TMTC2: variants seen among roughly 807,000 people sequenced by gnomAD.
The protein encoded by TMTC2 is transmembrane O-mannosyltransferase targeting cadherins 2, also known as protein O-mannosyl-transferase TMTC2.
TMTC2 carries 43 observed loss-of-function variants against 82.4 expected under a neutral mutation model. The ratio of observed to expected loss-of-function variants is 0.52; its 90% CI spans 0.41 to 0.67. The LOEUF is 0.67. Ranked by LOEUF, TMTC2 falls within the 30% of genes least tolerant of loss-of-function variation. TMTC2 has a pLI of 0.00. For synonymous variants in TMTC2, 408 were observed against 381.9 expected, an observed-to-expected ratio of 1.07 and a Z score of -0.80; for missense variants, 919 against 1,012.4, an observed-to-expected ratio of 0.91 and a Z score of 1.25.
chr12:83,079,341 T>C (rs1236824281), intron 11 of TMTC2, among the ~76,000 whole-genome samples: 2 of 152,146 alleles, frequency 1.3e-5, no homozygotes, highest in African/African-American at 4.8e-5. Flanking sequence ...TAAAACTCAC[T>C]AAAACAAACC....
Position 82,966,981 on chromosome 12 carries a change from C to T in TMTC2, c.1932C>T (p.Ser644=). The T allele has an allele frequency of 6.2e-7, 1 of 1,612,878 alleles. No individual in the cohort carries two copies. The highest frequency in any genetic ancestry group is 1.1e-5 in the South Asian group (1 of 91,012). ...TGCCAAGGCAGTTTGCCCCACAGAG[C>T]TTGTACAACATGATGGGTAAGTAAA... The part of the protein sequence containing the change: ...QKMPRQFAPQ[S]LYNMMGEAYM... Residue 644 remains serine (S), a synonymous_variant, in exon 7 of 12, where the codon AGC becomes AGT. Coordinates refer to ENST00000321196, the MANE Select transcript of TMTC2 (RefSeq NM_152588.3).
intron 11 of TMTC2, among the ~76,000 whole-genome samples, chr12:83,127,112 T>G (rs1004255177): frequency 2.0e-5 from 3 of 152,128 alleles, no homozygotes; most frequent in South Asian, 4.1e-4. Flanking sequence ...AAGTTCAGAC[T>G]GCAAACTCAT....
chr12:82,727,836 A>C (rs902830273), intron 1 of TMTC2, among the ~76,000 whole-genome samples: 1 of 143,956 alleles, frequency 6.9e-6, no homozygotes, highest in Non-Finnish European at 1.5e-5. Context: ...GGATAGTCTA[A>C]GAAAGGCCAA....
chr12:83,020,779 T>G (rs1385750070), intron 8 of TMTC2, among the ~76,000 whole-genome samples: 1 of 152,176 alleles, frequency 6.6e-6, no homozygotes, highest in Non-Finnish European at 1.5e-5. Flanking sequence ...TCCTTTAAGT[T>G]AGAAGGGAAA....
At chr12:83,121,007 T>G (rs957287039) in intron 11 of TMTC2, among the ~76,000 whole-genome samples, 1 of 152,228 alleles carries the variant, frequency 6.6e-6, no homozygotes, top group Admixed American at 6.5e-5. Context: ...CTGAAGTTTT[T>G]ATTGTTCTTT....
chr12:82,858,392 C>G (rs1341411731), intron 2 of TMTC2, among the ~76,000 whole-genome samples: 3 of 152,216 alleles, frequency 2.0e-5, no homozygotes, highest in African/African-American at 7.2e-5. Flanking sequence ...CTCACCGTTG[C>G]TTTGACTTTG....
At chr12:82,731,172 G>T (rs1014842924) in intron 1 of TMTC2, among the ~76,000 whole-genome samples, 1 of 152,188 alleles carries the variant, frequency 6.6e-6, no homozygotes, top group African/African-American at 2.4e-5. Flanking sequence ...CATTGTCTCA[G>T]AGTCTGCAAA....
chr12:83,067,395 A>T (rs2137481928), intron 11 of TMTC2, among the ~76,000 whole-genome samples: 1 of 152,150 alleles, frequency 6.6e-6, no homozygotes, highest in South Asian at 2.1e-4. Context: ...AGGATACTAA[A>T]AATGTGTGTG....
chr12:82,811,742 T>C (rs139750648), intron 1 of TMTC2, among the ~76,000 whole-genome samples: 8 of 151,682 alleles, frequency 5.3e-5, no homozygotes, highest in African/African-American at 1.9e-4. Context: ...TCCCTGCTTA[T>C]AGGTAAAATT....
At chr12:82,947,973 A>G (rs2137274103) in intron 4 of TMTC2, among the ~76,000 whole-genome samples, 1 of 152,284 alleles carries the variant, frequency 6.6e-6, no homozygotes, top group South Asian at 2.1e-4. Flanking sequence ...AATGATGCCT[A>G]TGGCAATGAA....
intron 2 of TMTC2, among the ~76,000 whole-genome samples, chr12:82,891,560 AG>A (rs1268688714): frequency 6.6e-6 from 1 of 152,188 alleles, no homozygotes; most frequent in Non-Finnish European, 1.5e-5. Flanking sequence ...CGCCTGCCTC[AG>A]CCTCCGAAAT....
chr12:82,915,491 G>T (rs1449232564), intron 3 of TMTC2, among the ~76,000 whole-genome samples: 7 of 152,190 alleles, frequency 4.6e-5, no homozygotes, highest in African/African-American at 9.7e-5. Flanking sequence ...CTGTATCAAA[G>T]TTCCTTTAGT....
At chr12:83,058,720 T>G (rs747814462) in intron 10 of TMTC2, among the ~76,000 whole-genome samples, 32 of 151,870 alleles carry the variant, frequency 2.1e-4, no homozygotes, top group Non-Finnish European at 4.1e-4. Context: ...CCTGGCTTTG[T>G]AAAGTGTGTT....
chr12:82,883,081 A>C (rs1872917038), intron 2 of TMTC2, among the ~76,000 whole-genome samples: 1 of 144,144 alleles, frequency 6.9e-6, no homozygotes, highest in Non-Finnish European at 1.5e-5. Flanking sequence ...AAAAAAAAAA[A>C]ACCAAAACCT....
At chr12:83,065,088 G>A (rs916782345) in intron 11 of TMTC2, among the ~76,000 whole-genome samples, 4 of 151,878 alleles carry the variant, frequency 2.6e-5, no homozygotes, top group Admixed American at 2.6e-4. Flanking sequence ...TTCTGTGAAT[G>A]TTTCTGCAAT....
chr12:82,834,550 T>C (rs190335004), intron 1 of TMTC2, among the ~76,000 whole-genome samples: 1 of 152,346 alleles, frequency 6.6e-6, no homozygotes, highest in African/African-American at 2.4e-5. Context: ...GTAATCGCTC[T>C]TTGCTGGATG....
intron 3 of TMTC2, among the ~76,000 whole-genome samples, chr12:82,908,168 TATATC>T (rs1306608327): frequency 3.3e-5 from 5 of 152,270 alleles, no homozygotes; most frequent in East Asian, 3.9e-4. Context: ...ATATATGAAA[TATATC>T]ATTCATAGTC....
intron 6 of TMTC2, among the ~76,000 whole-genome samples, chr12:82,966,328 T>G (rs1878206944): frequency 6.6e-6 from 1 of 152,124 alleles, no homozygotes. Flanking sequence ...TAGTCCTCCC[T>G]TCCTCTGACA....
intron 11 of TMTC2, among the ~76,000 whole-genome samples, chr12:83,080,579 C>T (rs1207576065): frequency 6.6e-6 from 1 of 152,112 alleles, no homozygotes; most frequent in Non-Finnish European, 1.5e-5. Context: ...ATGCAGTTTG[C>T]CACAGCTAGT....
Sources: gnomAD v4.1 joint callset for allele counts (sites outside exome capture counted in the v4.1 genomes callset) on GRCh38, gnomAD v4.1.1 for gene constraint, MANE v1.5 for transcripts, NCBI Gene and HGNC (gene_info 2026-07-23, HGNC 2026-07-21) for gene names.